The following FRMD4A variants were observed in gnomAD, a reference collection of about 807,000 sequenced individuals.
FRMD4A encodes the protein FERM domain-containing protein 4A.
Under a neutral mutation model 129.1 loss-of-function variants are expected in FRMD4A, and 29 were observed. The observed-to-expected ratio is 0.22, with a 90% confidence interval of 0.17 to 0.31. The LOEUF is 0.31. FRMD4A is among the 10% of genes least tolerant of loss of function. The pLI, the probability that FRMD4A is intolerant of heterozygous loss-of-function variation, is 1.00. For missense variants in FRMD4A, 1,272 were observed against 1,375.8 expected (o/e 0.92, Z 1.19); for synonymous variants, 634 against 571.6 (o/e 1.11, Z -1.56).
At chr10:13,923,434 C>A (rs1001217257) in intron 2 of FRMD4A, among the ~76,000 whole-genome samples, 15 of 152,202 alleles carry the variant, frequency 9.9e-5, no homozygotes, top group African/African-American at 3.6e-4. Context: ...GCTCTGTGGG[C>A]AGGTCCCTTA....
intron 2 of FRMD4A, among the ~76,000 whole-genome samples, chr10:13,976,518 C>T (rs554904453): frequency 1.3e-5 from 2 of 150,966 alleles, no homozygotes; most frequent in East Asian, 3.9e-4. Context: ...CCCAGACCCT[C>T]GTTCACTGCT....
intron 5 of FRMD4A, among the ~76,000 whole-genome samples, chr10:13,795,962 A>G (rs2093108330): frequency 6.6e-6 from 1 of 152,146 alleles, no homozygotes; most frequent in South Asian, 2.1e-4. Flanking sequence ...AGATTTCTGA[A>G]CAGAAAAATG....
intron 14 of FRMD4A, among the ~76,000 whole-genome samples, chr10:13,698,653 AT>A (rs2086472560): frequency 6.6e-6 from 1 of 152,212 alleles, no homozygotes; most frequent in South Asian, 2.1e-4. Context: ...TCCTCAAGCA[AT>A]TTCACAAACG....
In FRMD4A at chr10:13,883,123, T is replaced by A. The variant is rs191819387; in HGVS notation, c.46-24211A>T. Among the ~76,000 whole-genome samples, 427 of 152,258 alleles carry A rather than the reference T, an allele frequency of 2.8e-3. 1 individual carries two copies. The highest frequency in any genetic ancestry group is 3.5e-3 in the African/African-American group (147 of 41,552). Reference sequence around the variant, plus strand: ...CCAGCCAGTTTATGGAATTTTTTAGTTGAGTTTTGTCAGTTCTCTAGGAGC... The same window carrying A: ...CCAGCCAGTTTATGGAATTTTTTAGATGAGTTTTGTCAGTTCTCTAGGAGC... On this transcript the variant is annotated intron_variant, in intron 2 of 24. Coordinates refer to ENST00000357447, the MANE Select transcript of FRMD4A (RefSeq NM_018027.5).
chr10:13,933,751 C>T (rs1425536142), intron 2 of FRMD4A, among the ~76,000 whole-genome samples: 3 of 152,170 alleles, frequency 2.0e-5, no homozygotes, highest in Non-Finnish European at 4.4e-5. Context: ...TTGCCTCTCT[C>T]CTGTATCTCT....
chr10:14,066,008 T>TGTGTGTGTG lies in FRMD4A; in HGVS notation c.46-207097_46-207096insCACACACAC, dbSNP rs1588899002. Among the ~76,000 whole-genome samples the TGTGTGTGTG allele has an allele frequency of 1.5e-3, 214 of 139,224 alleles. 1 individual carries two copies. The highest frequency in any genetic ancestry group is 5.4e-3 in the African/African-American group (201 of 37,440). 91.3% of individuals were successfully genotyped at this position (139,224 alleles called of 152,430 possible). ...GGAAGTATGAAGTGGGGGTATGTATTTGTGTGTGTGTGTGTGTGTGTGTGT... is the reference window on the plus strand; with the variant it reads ...GGAAGTATGAAGTGGGGGTATGTATTGTGTGTGTGTGTGTGTGTGTGTGTGTGTGTGTGT... On this transcript the variant is annotated intron_variant, in intron 2 of 24. Transcript: ENST00000357447.
intron 2 of FRMD4A, among the ~76,000 whole-genome samples, chr10:14,085,691 C>T (rs566858603): frequency 6.6e-6 from 1 of 152,322 alleles, no homozygotes; most frequent in South Asian, 2.1e-4. Context: ...ATCTTCCCAT[C>T]TTCATTTGCG....
At chr10:13,772,428 C>A (rs1038279768) in intron 6 of FRMD4A, among the ~76,000 whole-genome samples, 2 of 152,020 alleles carry the variant, frequency 1.3e-5, no homozygotes, top group African/African-American at 2.4e-5. Flanking sequence ...TGTGGCTAAA[C>A]TCTCTACCAA....
At chr10:13,856,386 C>T (rs1477017602) in intron 3 of FRMD4A, among the ~76,000 whole-genome samples, 4 of 151,982 alleles carry the variant, frequency 2.6e-5, no homozygotes, top group African/African-American at 9.7e-5. Flanking sequence ...ACATTATGTG[C>T]CTGACCCTGG....
intron 2 of FRMD4A, among the ~76,000 whole-genome samples, chr10:14,272,154 G>T (rs1845183037): frequency 6.6e-6 from 1 of 152,032 alleles, no homozygotes; most frequent in African/African-American, 2.4e-5. Context: ...TCATGTAAAG[G>T]TCAATGCAGC....
chr10:13,937,609 T>C (rs1010277100), intron 2 of FRMD4A, among the ~76,000 whole-genome samples: 1 of 152,202 alleles, frequency 6.6e-6, no homozygotes, highest in Non-Finnish European at 1.5e-5. Context: ...ATGTTCATTA[T>C]CCTTCGTGAG....
rs529527490 is a variant in FRMD4A, at chr10:14,239,652, C to CAAAA, written c.45+90402_45+90405dup. ...AAGAAAAAACAAACAAACAAACAAACAAAAAAAAACTGGCAAAAGCCAGGT... is the reference window on the plus strand; with the variant it reads ...AAGAAAAAACAAACAAACAAACAAACAAAAAAAAAAAAACTGGCAAAAGCCAGGT... On this transcript the variant is annotated intron_variant, in intron 2 of 24. Transcript: ENST00000357447. Among the ~76,000 whole-genome samples, 26 of 149,974 alleles carry CAAAA rather than the reference C, an allele frequency of 1.7e-4. No individual in the cohort carries two copies. The East Asian group carries it at 3.2e-3, about 18-fold the overall frequency.
At chr10:13,649,354 G>A (rs1236549724) in intron 24 of FRMD4A, 1 of 127,386 alleles carries the variant, frequency 7.9e-6, no homozygotes, top group Non-Finnish European at 1.9e-5. Flanking sequence ...GAGCCTAACT[G>A]TTGGCTGGCC....
chr10:14,179,630 T>C (rs1402393368), intron 2 of FRMD4A, among the ~76,000 whole-genome samples: 1 of 152,254 alleles, frequency 6.6e-6, no homozygotes, highest in Non-Finnish European at 1.5e-5. Flanking sequence ...AGTGCTTAAA[T>C]TTATTCATGT....
chr10:13,658,992 G>A (rs990274805), intron 21 of FRMD4A, among the ~76,000 whole-genome samples: 2 of 152,008 alleles, frequency 1.3e-5, no homozygotes, highest in African/African-American at 4.8e-5. Flanking sequence ...AGGAAGTCCA[G>A]TATAAATTTA....
Position 14,008,162 on chromosome 10 carries a change from CTGTGTGTG to C in FRMD4A, c.46-149258_46-149251del, listed in dbSNP as rs752913059. On this transcript the variant is annotated intron_variant, in intron 2 of 24. Transcript: ENST00000357447. ...CAGCCTGAACCACCATGGTGTACAGCTGTGTGTGTGTGTGTGTGTGTGTGTGTGTGTGT... is the reference window on the plus strand; with the variant it reads ...CAGCCTGAACCACCATGGTGTACAGCTGTGTGTGTGTGTGTGTGTGTGTGT... 2,043 of 630,040 alleles carry C rather than the reference CTGTGTGTG, an allele frequency of 3.2e-3. 10 individuals carry two copies. Among genetic ancestry groups the C allele is most frequent in the African/African-American group, 0.012 (486 of 42,198 alleles). The allele number at this position is 630,040 out of a possible 1,614,324, so 39.0% of individuals were successfully genotyped here. A position where few individuals can be genotyped will look rare whatever the true frequency, so the allele number is the denominator to read the frequency against.
chr10:13,912,530 T>G lies in FRMD4A; in HGVS notation c.46-53618A>C, dbSNP rs966811957. 2.7e-4 allele frequency among the ~76,000 whole-genome samples: 39 copies of G among 145,600 alleles called. 3 individuals carry two copies. The highest frequency in any genetic ancestry group is 4.7e-4 in the Non-Finnish European group (31 of 66,112). ...TATCCACATAATAGAATTTTTTTTT[T>G]TTTTTTTTTTTTTTTTGAGATGGAG... On this transcript the variant is annotated intron_variant, in intron 2 of 24. Coordinates refer to ENST00000357447, the MANE Select transcript of FRMD4A (RefSeq NM_018027.5).
chr10:14,327,887 T>C (rs956615019), intron 2 of FRMD4A, among the ~76,000 whole-genome samples: 3 of 152,182 alleles, frequency 2.0e-5, no homozygotes, highest in Non-Finnish European at 4.4e-5. Context: ...TCATAAATAA[T>C]AATGTTTACA....
At position 13,743,315 on chromosome 10, in the gene FRMD4A, C is replaced by T. The variant is rs544574086; in HGVS notation, c.549-2738G>A. Among the ~76,000 whole-genome samples the T allele has an allele frequency of 7.2e-5, 11 of 152,298 alleles. No homozygotes were observed. In the East Asian group the frequency reaches 7.7e-4, roughly 11 times the overall value. On this transcript the variant is annotated intron_variant, in intron 9 of 24. Transcript: ENST00000357447. ...TGCAGAACTGCGTCAGGAGGTTCAG[C>T]GGCTCCACTTCCTTCCATCCCACTC...
Sources: gnomAD v4.1 joint callset for allele counts (sites outside exome capture counted in the v4.1 genomes callset) on GRCh38, gnomAD v4.1.1 for gene constraint, MANE v1.5 for transcripts, NCBI Gene and HGNC (gene_info 2026-07-23, HGNC 2026-07-21) for gene names.